CNTN5: variants seen among roughly 807,000 people sequenced by gnomAD.
The protein encoded by CNTN5 is contactin 5.
CNTN5 carries 77 observed loss-of-function variants against 129.1 expected under a neutral mutation model. The ratio of observed to expected loss-of-function variants is 0.60; its 90% confidence interval spans 0.50 to 0.72. The LOEUF (loss-of-function observed/expected upper bound fraction) is 0.72. Among genes scored for constraint, CNTN5 ranks in the 30% least tolerant of loss-of-function variants. CNTN5 has a pLI of 0.00. For synonymous variants in CNTN5, 509 were observed against 465.6 expected, an observed-to-expected ratio of 1.09 and a Z score of -1.20; for missense variants, 1,478 against 1,328.8, an observed-to-expected ratio of 1.11 and a Z score of -1.75.
intron 13 of CNTN5, among the ~76,000 whole-genome samples, chr11:100,077,384 A>C (rs907187938): frequency 6.6e-6 from 1 of 152,196 alleles, no homozygotes; most frequent in Non-Finnish European, 1.5e-5. Flanking sequence ...ATGTTGAATG[A>C]GTTAGTGTTG....
chr11:99,417,547 A>G (rs1302706566), intron 2 of CNTN5, among the ~76,000 whole-genome samples: 1 of 152,010 alleles, frequency 6.6e-6, no homozygotes, highest in Non-Finnish European at 1.5e-5. Flanking sequence ...GTCTTAATAG[A>G]CTTTATTATA....
intron 7 of CNTN5, among the ~76,000 whole-genome samples, chr11:99,941,704 T>G (rs1315659778): frequency 6.6e-6 from 1 of 151,642 alleles, no homozygotes; most frequent in Non-Finnish European, 1.5e-5. Context: ...CTAAAAGAAG[T>G]TAAGTAATGA....
At chr11:99,888,157 A>G (rs1209644090) in intron 6 of CNTN5, among the ~76,000 whole-genome samples, 1 of 152,188 alleles carries the variant, frequency 6.6e-6, no homozygotes, top group Admixed American at 6.5e-5. Context: ...TGCTCATTAT[A>G]TGTTACGAAT....
chr11:99,600,605 T>C (rs1021020911), intron 3 of CNTN5, among the ~76,000 whole-genome samples: 2 of 152,110 alleles, frequency 1.3e-5, no homozygotes, highest in Non-Finnish European at 2.9e-5. Flanking sequence ...CTCCGGAGGA[T>C]TGGGGTACTG....
At chr11:99,055,582 C>A (rs1397139894) in intron 1 of CNTN5, among the ~76,000 whole-genome samples, 2 of 151,834 alleles carry the variant, frequency 1.3e-5, no homozygotes, top group Non-Finnish European at 2.9e-5. Context: ...TGTGCTGACC[C>A]CTGACAATCC....
chr11:99,834,098 G>A (rs1371493869), intron 4 of CNTN5, among the ~76,000 whole-genome samples: 1 of 151,994 alleles, frequency 6.6e-6, no homozygotes, highest in Non-Finnish European at 1.5e-5. Flanking sequence ...TAAATATAGT[G>A]GATATTTTAA....
chr11:100,251,604 C>T (rs1949964752), intron 16 of CNTN5, among the ~76,000 whole-genome samples: 1 of 151,970 alleles, frequency 6.6e-6, no homozygotes, highest in Middle Eastern at 3.2e-3. Flanking sequence ...TTCTAATGTC[C>T]TCTGTCCTTT....
chr11:100,097,850 G>A (rs986918546), intron 13 of CNTN5, among the ~76,000 whole-genome samples: 28 of 151,992 alleles, frequency 1.8e-4, no homozygotes, highest in African/African-American at 6.5e-4. Context: ...TTGTATATTG[G>A]AGGCAAAACT....
At chr11:99,776,389 C>T (rs1012351554) in intron 3 of CNTN5, among the ~76,000 whole-genome samples, 3 of 151,722 alleles carry the variant, frequency 2.0e-5, no homozygotes, top group African/African-American at 7.3e-5. Flanking sequence ...TTCAACACAC[C>T]ATTTATAGAA....
At chr11:99,770,344 C>T (rs1045338999) in intron 3 of CNTN5, among the ~76,000 whole-genome samples, 2 of 152,006 alleles carry the variant, frequency 1.3e-5, no homozygotes, top group Non-Finnish European at 2.9e-5. Context: ...AACTTGTTAA[C>T]ACATCCTCAT....
chr11:100,110,480 A>G (rs1245355224), intron 13 of CNTN5, among the ~76,000 whole-genome samples: 3 of 152,226 alleles, frequency 2.0e-5, no homozygotes, highest in Non-Finnish European at 2.9e-5. Flanking sequence ...TAAAAACAAG[A>G]TACATTTCAG....
intron 21 of CNTN5, among the ~76,000 whole-genome samples, chr11:100,325,234 G>T (rs1011073315): frequency 6.6e-6 from 1 of 152,124 alleles, no homozygotes; most frequent in Non-Finnish European, 1.5e-5. Context: ...CAGGAAAAAG[G>T]TCATGATATT....
intron 3 of CNTN5, among the ~76,000 whole-genome samples, chr11:99,742,172 G>A (rs1449361073): frequency 6.6e-6 from 1 of 152,112 alleles, no homozygotes; most frequent in Non-Finnish European, 1.5e-5. Context: ...TGTAAAGACG[G>A]ATGGACAGTC....
intron 1 of CNTN5, among the ~76,000 whole-genome samples, chr11:99,242,718 A>G (rs1301122235): frequency 6.6e-6 from 1 of 152,088 alleles, no homozygotes; most frequent in Non-Finnish European, 1.5e-5. Flanking sequence ...TCCAGCTTCT[A>G]AGTGAGAATA....
intron 13 of CNTN5, among the ~76,000 whole-genome samples, chr11:100,128,028 T>C (rs1243153389): frequency 6.6e-6 from 1 of 152,090 alleles, no homozygotes; most frequent in Non-Finnish European, 1.5e-5. Flanking sequence ...TTTTCTAATA[T>C]CCTTTCTGCA....
rs755753734 is a variant in CNTN5, at chr11:100,025,252, G to A, written c.980+23116G>A. ...TCAGAGGGTGCAAACCCCAAGCCTT[G>A]GTGGCTTACACATGGTTTTGGGCCT... On this transcript the variant is annotated intron_variant, in intron 9 of 24. Transcript: ENST00000524871. Among the ~76,000 whole-genome samples, 8 of 152,186 alleles carry A rather than the reference G, an allele frequency of 5.3e-5. 1 individual carries two copies. The South Asian group carries it at 1.7e-3, about 31-fold the overall frequency.
chr11:99,111,856 G>C (rs1857811777), intron 1 of CNTN5, among the ~76,000 whole-genome samples: 1 of 151,930 alleles, frequency 6.6e-6, no homozygotes, highest in African/African-American at 2.4e-5. Context: ...TCCTGTTGCT[G>C]ACAGCACTTG....
intron 3 of CNTN5, among the ~76,000 whole-genome samples, chr11:99,718,663 G>A (rs1194421922): frequency 5.9e-5 from 9 of 152,026 alleles, no homozygotes; most frequent in African/African-American, 1.9e-4. Context: ...TATGAGGATG[G>A]TAATCTATAG....
At position 100,155,746 on chromosome 11, in the gene CNTN5, T is replaced by C. The variant is rs181774418; in HGVS notation, c.1581-35380T>C. ...GAGGTCCTTCACATCCCTTGTAAGT[T>C]GTATTCCTAGGTATTTTATTTCTTT... On this transcript the variant is annotated intron_variant, in intron 13 of 24. Coordinates refer to ENST00000524871, the MANE Select transcript of CNTN5 (RefSeq NM_014361.4). Among the ~76,000 whole-genome samples the C allele has an allele frequency of 1.6e-3, 237 of 145,824 alleles. 3 individuals carry two copies. Among genetic ancestry groups the C allele is most frequent in the African/African-American group, 5.3e-3 (219 of 41,136 alleles).
Sources: gnomAD v4.1 joint callset for allele counts (sites outside exome capture counted in the v4.1 genomes callset) on GRCh38, gnomAD v4.1.1 for gene constraint, MANE v1.5 for transcripts, NCBI Gene and HGNC (gene_info 2026-07-23, HGNC 2026-07-21) for gene names.